GPC6: variants seen among roughly 807,000 people sequenced by gnomAD.
GPC6 encodes the protein glypican-6.
GPC6 carries 14 observed loss-of-function variants against 55.2 expected under a neutral mutation model. The observed-to-expected ratio is 0.25, with a 90% CI of 0.17 to 0.40. The LOEUF is 0.40. Ranked by LOEUF, GPC6 falls within the 10% of genes least tolerant of loss-of-function variation. The probability of loss-of-function intolerance (pLI) is 1.00; values close to 1 mark genes in which losing one functional copy is unlikely to be tolerated. For missense variants in GPC6, 641 were observed against 708.5 expected (o/e 0.90, Z 1.08); for synonymous variants, 278 against 259.6 (o/e 1.07, Z -0.68).
At chr13:94,041,705 G>C (rs751339224) in intron 4 of GPC6, among the ~76,000 whole-genome samples, 2 of 151,742 alleles carry the variant, frequency 1.3e-5, no homozygotes, top group East Asian at 3.9e-4. Context: ...TTACTTACCA[G>C]GGGTTTAGTA....
intron 4 of GPC6, among the ~76,000 whole-genome samples, chr13:94,072,405 A>C (rs1166875956): frequency 6.6e-6 from 1 of 152,018 alleles, no homozygotes; most frequent in Non-Finnish European, 1.5e-5. Flanking sequence ...TCCAGGCTGG[A>C]GTGCAGTGGC....
intron 3 of GPC6, among the ~76,000 whole-genome samples, chr13:93,991,130 T>C (rs991811451): frequency 6.6e-6 from 1 of 152,180 alleles, no homozygotes; most frequent in Non-Finnish European, 1.5e-5. Flanking sequence ...CATTCTCATC[T>C]GACTGGCTAA....
chr13:93,992,032 C>T (rs1881333389), intron 3 of GPC6, among the ~76,000 whole-genome samples: 1 of 151,432 alleles, frequency 6.6e-6, no homozygotes, highest in Non-Finnish European at 1.5e-5. Flanking sequence ...TTTATATAGA[C>T]ATCTTTATGG....
intron 1 of GPC6, among the ~76,000 whole-genome samples, chr13:93,467,426 C>G (rs1228209378): frequency 1.3e-5 from 2 of 152,122 alleles, no homozygotes; most frequent in African/African-American, 4.8e-5. Context: ...TACATATGGA[C>G]TCCTCGTGGA....
chr13:93,706,505 A>T (rs1882853560), intron 2 of GPC6, among the ~76,000 whole-genome samples: 1 of 151,934 alleles, frequency 6.6e-6, no homozygotes, highest in African/African-American at 2.4e-5. Context: ...ACAGAATTAG[A>T]TAGAAATCTT....
chr13:94,403,175 T>C lies in GPC6; in HGVS notation c.1626T>C (p.Ser542=). The C allele has an allele frequency of 6.2e-7, 1 of 1,614,126 alleles. No homozygotes were observed. The part of the protein sequence containing the change: ...AQRGHSLLSW[S]LTCIVLALQR... ...GTGGCCACTCCCTGCTCTCCTGGTC[T>C]CTCACCTGCATTGTCCTGGCACTGC... Residue 542 remains serine, a synonymous_variant, in exon 9 of 9, where the codon TCT becomes TCC. Transcript: ENST00000377047.
At chr13:93,231,368 T>TAC (rs1876023033) in intron 1 of GPC6, among the ~76,000 whole-genome samples, 3 of 18,016 alleles carry the variant, frequency 1.7e-4, no homozygotes, top group African/African-American at 8.7e-4. Context: ...TACGTATATA[T>TAC]ATATATATAT....
intron 2 of GPC6, among the ~76,000 whole-genome samples, chr13:93,623,544 C>T (rs1017626162): frequency 2.0e-5 from 3 of 149,438 alleles, no homozygotes; most frequent in African/African-American, 7.4e-5. Flanking sequence ...CTGCAAGCTC[C>T]GCCTCCTGGG....
chr13:93,643,354 G>C (rs1333701443), intron 2 of GPC6, among the ~76,000 whole-genome samples: 3 of 152,064 alleles, frequency 2.0e-5, no homozygotes, highest in African/African-American at 7.2e-5. Flanking sequence ...AAGAGTCTCA[G>C]CTGGGCCTGA....
At position 94,407,867 on chromosome 13, in the gene GPC6, T is replaced by G. The variant is rs1881426617; in HGVS notation, c.*4650T>G. On this transcript the variant is annotated 3_prime_UTR_variant, in exon 9 of 9. Coordinates refer to ENST00000377047, the MANE Select transcript of GPC6 (RefSeq NM_005708.5). The stretch of plus-strand genomic sequence containing the variant: ...TCACAAATGCTTATTGAACTCTTAT[T>G]CTCTATAAACCCTGCTCTAGGGGAT... Among the ~76,000 whole-genome samples the G allele has an allele frequency of 6.6e-6, 1 of 152,196 alleles. No individual in the cohort carries two copies. Among genetic ancestry groups the G allele is most frequent in the Admixed American group, 6.5e-5 (1 of 15,278 alleles).
intron 2 of GPC6, among the ~76,000 whole-genome samples, chr13:93,612,500 A>AACACAC (rs3138575): frequency 0.07 from 9,728 of 139,248 alleles, 383 homozygotes; most frequent in African/African-American, 0.091. Context: ...CTCCGTCTAA[A>AACACAC]ACACACACAC....
chr13:93,262,081 A>G (rs932627500), intron 1 of GPC6, among the ~76,000 whole-genome samples: 2 of 152,130 alleles, frequency 1.3e-5, no homozygotes, highest in African/African-American at 4.8e-5. Flanking sequence ...AGTATACAGG[A>G]AATAGCCCCT....
intron 2 of GPC6, among the ~76,000 whole-genome samples, chr13:93,771,643 A>T (rs1032166066): frequency 3.3e-5 from 5 of 152,258 alleles, no homozygotes; most frequent in Admixed American, 6.5e-5. Context: ...TAGTGGGTGC[A>T]GTGCACCAGC....
At chr13:94,228,401 T>C (rs1274055028) in intron 4 of GPC6, among the ~76,000 whole-genome samples, 1 of 152,092 alleles carries the variant, frequency 6.6e-6, no homozygotes, top group Non-Finnish European at 1.5e-5. Flanking sequence ...AATTGAAACT[T>C]TATGAAGAAG....
At chr13:94,147,762 C>A (rs1435654012) in intron 4 of GPC6, among the ~76,000 whole-genome samples, 1 of 152,098 alleles carries the variant, frequency 6.6e-6, no homozygotes, top group African/African-American at 2.4e-5. Context: ...CATTAAAGAG[C>A]CCTTCCACAT....
At chr13:94,377,537 C>T (rs1459322946) in intron 6 of GPC6, among the ~76,000 whole-genome samples, 45 of 149,050 alleles carry the variant, frequency 3.0e-4, no homozygotes, top group African/African-American at 1.1e-3. Context: ...ATTAAAAAGT[C>T]AGGAAACAAC....
chr13:93,700,425 G>A (rs958336293), intron 2 of GPC6, among the ~76,000 whole-genome samples: 75 of 152,116 alleles, frequency 4.9e-4, no homozygotes, highest in African/African-American at 1.7e-3. Flanking sequence ...CCTCAATCTG[G>A]TGTGTTTCTC....
At chr13:93,849,421 T>C (rs1347316364) in intron 3 of GPC6, among the ~76,000 whole-genome samples, 1 of 152,100 alleles carries the variant, frequency 6.6e-6, no homozygotes, top group Non-Finnish European at 1.5e-5. Context: ...TTTTAGGTTT[T>C]TTGGAATATC....
intron 3 of GPC6, among the ~76,000 whole-genome samples, chr13:93,990,802 A>G (rs1398961765): frequency 6.6e-6 from 1 of 151,624 alleles, no homozygotes; most frequent in East Asian, 1.9e-4. Flanking sequence ...GTTTGAGGCT[A>G]CAGTAAGCTA....
Sources: gnomAD v4.1 joint callset for allele counts (sites outside exome capture counted in the v4.1 genomes callset) on GRCh38, gnomAD v4.1.1 for gene constraint, MANE v1.5 for transcripts, NCBI Gene and HGNC (gene_info 2026-07-23, HGNC 2026-07-21) for gene names.